Variants in CFAP47 observed in about 807,000 individuals in gnomAD.
The protein encoded by CFAP47 is cilia- and flagella-associated protein 47.
In CFAP47, 29 loss-of-function variants were observed where a neutral mutation model predicts 148.1. That is an observed-to-expected ratio of 0.20 (90% CI 0.15 to 0.27). The LOEUF (loss-of-function observed/expected upper bound fraction) is 0.27, where lower values mean the gene tolerates loss of function less well. Ranked by LOEUF, CFAP47 falls within the 10% of genes least tolerant of loss-of-function variation. The pLI is 1.00. For synonymous variants in CFAP47, 664 were observed against 577.3 expected, an observed-to-expected ratio of 1.15 and a Z score of -2.15; for missense variants, 1,872 against 1,697.5, an observed-to-expected ratio of 1.10 and a Z score of -1.81.
At chrX:35,995,293 C>T (rs761868752) in intron 18 of CFAP47, among the ~76,000 whole-genome samples, 1 of 111,309 alleles carries the variant, frequency 9.0e-6, no homozygotes, top group South Asian at 3.8e-4. Context: ...TTATATGACC[C>T]GTGTAAGTTT....
chrX:36,015,766 T>C (rs1242990620), intron 22 of CFAP47, among the ~76,000 whole-genome samples: 2 of 111,856 alleles, frequency 1.8e-5, no homozygotes, highest in Admixed American at 1.9e-4. Flanking sequence ...CTGAATTAGG[T>C]AGATAAGCTT....
At chrX:36,241,337 A>T (rs1940541296) in intron 48 of CFAP47, among the ~76,000 whole-genome samples, 1 of 111,640 alleles carries the variant, frequency 9.0e-6, no homozygotes, top group Non-Finnish European at 1.9e-5. Context: ...GGCCCCAGGG[A>T]TCCCCATCTC....
intron 15 of CFAP47, among the ~76,000 whole-genome samples, chrX:35,982,795 C>G (rs1049746230): frequency 2.2e-4 from 24 of 111,179 alleles, no homozygotes; most frequent in Non-Finnish European, 4.5e-4. Context: ...TCTGGACTCT[C>G]TAGTCTGTTC....
intron 38 of CFAP47, 71 bp from the exon 39 acceptor site, chrX:36,160,610 T>C: frequency 3.5e-6 from 1 of 282,170 alleles, no homozygotes. Flanking sequence ...ATTTTTAAGA[T>C]TATATTTTAT....
intron 48 of CFAP47, among the ~76,000 whole-genome samples, chrX:36,244,789 T>C (rs1176707387): frequency 9.1e-6 from 1 of 110,305 alleles, no homozygotes; most frequent in Non-Finnish European, 1.9e-5. Context: ...AGCCAAATTA[T>C]ATCACTGGTA....
intron 2 of CFAP47, among the ~76,000 whole-genome samples, chrX:35,938,678 T>A (rs914157608): frequency 5.4e-5 from 6 of 111,730 alleles, no homozygotes; most frequent in African/African-American, 1.9e-4. Flanking sequence ...AGAGAAGTTG[T>A]CTCCATAATG....
chrX:36,338,761 C>G (rs1385303755), intron 57 of CFAP47, among the ~76,000 whole-genome samples: 1 of 111,808 alleles, frequency 8.9e-6, no homozygotes, highest in Non-Finnish European at 1.9e-5. Flanking sequence ...CTCAACCTCT[C>G]CTTTAAATCC....
intron 48 of CFAP47, among the ~76,000 whole-genome samples, chrX:36,239,792 G>T (rs1698853705): frequency 8.9e-6 from 1 of 111,754 alleles, no homozygotes; most frequent in Non-Finnish European, 1.9e-5. Flanking sequence ...GTTCAAGATT[G>T]TGTACATGCC....
At chrX:36,038,367 G>A (rs1937363054) in intron 24 of CFAP47, among the ~76,000 whole-genome samples, 1 of 112,145 alleles carries the variant, frequency 8.9e-6, no homozygotes, top group African/African-American at 3.2e-5. Flanking sequence ...ATCACTCTCT[G>A]TGATGGAAAC....
chrX:36,282,342 T>A (rs1453324903), intron 50 of CFAP47, among the ~76,000 whole-genome samples: 1 of 111,067 alleles, frequency 9.0e-6, no homozygotes, highest in Non-Finnish European at 1.9e-5. Context: ...AAGGAAAACC[T>A]TCATGAGGGT....
At position 35,979,039 on chromosome X, in the gene CFAP47, G is replaced by A. The variant is rs147513233; in HGVS notation, c.2713+3126G>A. Among the ~76,000 whole-genome samples, 325 of 111,374 alleles carry A rather than the reference G, an allele frequency of 2.9e-3. 1 individual carries two copies. The highest frequency in any genetic ancestry group is 0.01 in the African/African-American group (311 of 30,648). On this transcript the variant is annotated intron_variant, in intron 15 of 63. Coordinates refer to ENST00000378653, the MANE Select transcript of CFAP47 (RefSeq NM_001304548.2). ...GTTGCCCAGGCTGGAGTGCAATGGCGTCATCTCAGCTCACTGCAACCTCCA... is the reference window on the plus strand; with the variant it reads ...GTTGCCCAGGCTGGAGTGCAATGGCATCATCTCAGCTCACTGCAACCTCCA...
chrX:36,181,439 A>T (rs1939748873), intron 40 of CFAP47, among the ~76,000 whole-genome samples: 1 of 111,582 alleles, frequency 9.0e-6, no homozygotes, highest in Non-Finnish European at 1.9e-5. Context: ...AGGAAAGGAA[A>T]CCTTGGAAGT....
chrX:36,023,787 T>C (rs1367916718), intron 22 of CFAP47, among the ~76,000 whole-genome samples: 1 of 111,834 alleles, frequency 8.9e-6, no homozygotes, highest in Non-Finnish European at 1.9e-5. Context: ...GATGTTTCCT[T>C]AAGGCACAAG....
intron 2 of CFAP47, among the ~76,000 whole-genome samples, chrX:35,932,530 G>T (rs1335227127): frequency 9.0e-6 from 1 of 110,565 alleles, no homozygotes; most frequent in Admixed American, 9.7e-5. Context: ...GGGATTACAG[G>T]TGTGAGCCAC....
chrX:35,930,492 G>A (rs183107116), intron 2 of CFAP47, among the ~76,000 whole-genome samples: 212 of 110,888 alleles, frequency 1.9e-3, no homozygotes, highest in Non-Finnish European at 2.6e-3. Flanking sequence ...GAAATGCTGC[G>A]TCTTCTATAT....
intron 33 of CFAP47, 128 bp from the exon 34 acceptor site, chrX:36,137,830 C>T: frequency 1.2e-5 from 4 of 340,883 alleles, no homozygotes; most frequent in South Asian, 8.6e-5. Flanking sequence ...TTTTTATTTC[C>T]AATATAATAT....
At chrX:36,059,589 A>G (rs1937578712) in intron 26 of CFAP47, among the ~76,000 whole-genome samples, 1 of 112,296 alleles carries the variant, frequency 8.9e-6, no homozygotes, top group African/African-American at 3.2e-5. Flanking sequence ...GTAAAGACAC[A>G]GCCATTTAAT....
At chrX:36,344,758 A>G (rs1458612704) in intron 57 of CFAP47, among the ~76,000 whole-genome samples, 1 of 111,680 alleles carries the variant, frequency 9.0e-6, no homozygotes, top group African/African-American at 3.3e-5. Flanking sequence ...TAATTGCTAA[A>G]CTTTATCTCC....
chrX:35,957,864 T>G (rs1255110826), intron 8 of CFAP47, among the ~76,000 whole-genome samples: 2 of 112,296 alleles, frequency 1.8e-5, no homozygotes, highest in African/African-American at 6.5e-5. Flanking sequence ...GTGATAAGAT[T>G]ATTCTTTTTA....
Sources: gnomAD v4.1 joint callset for allele counts (sites outside exome capture counted in the v4.1 genomes callset) on GRCh38, gnomAD v4.1.1 for gene constraint, MANE v1.5 for transcripts, NCBI Gene and HGNC (gene_info 2026-07-23, HGNC 2026-07-21) for gene names.